FGF10: variants seen among roughly 807,000 people sequenced by gnomAD.
The protein encoded by FGF10 is FGF-10.
FGF10 carries 2 observed loss-of-function variants against 19.8 expected under a neutral mutation model. The ratio of observed to expected loss-of-function variants is 0.10; its 90% CI spans 0.04 to 0.32. FGF10 has a LOEUF of 0.32. FGF10 is among the 10% of genes least tolerant of loss of function. The probability of loss-of-function intolerance (pLI) is 1.00; values close to 1 mark genes in which losing one functional copy is unlikely to be tolerated. For missense variants in FGF10, 191 were observed against 246.3 expected, an observed-to-expected ratio of 0.78 and a Z score of 1.50; for synonymous variants, 112 against 94.0, an observed-to-expected ratio of 1.19 and a Z score of -1.10.
chr5:44,331,209 G>T (rs1236703768), intron 1 of FGF10, among the ~76,000 whole-genome samples: 1 of 151,916 alleles, frequency 6.6e-6, no homozygotes, highest in Non-Finnish European at 1.5e-5. Flanking sequence ...AGACTAGATA[G>T]TGCTTAAAAT....
At chr5:44,369,230 A>G (rs993344100) in intron 1 of FGF10, among the ~76,000 whole-genome samples, 4 of 152,088 alleles carry the variant, frequency 2.6e-5, no homozygotes, top group Admixed American at 2.6e-4. Flanking sequence ...AATAATCTCC[A>G]CAGCTGAAGG....
In FGF10 at chr5:44,367,985, T is replaced by C. The variant is rs955617110; in HGVS notation, c.325+20373A>G. Among the ~76,000 whole-genome samples, 16 of 151,820 alleles carry C rather than the reference T, an allele frequency of 1.1e-4. No homozygotes were observed. In the East Asian group the frequency reaches 1.4e-3, roughly 13 times the overall value. On this transcript the variant is annotated intron_variant, in intron 1 of 2. Transcript: ENST00000264664. ...CTCAAAACCTTGCCCAAGATCAACA[T>C]AGGGAAACAAGGATTTTTTTATAGT...
chr5:44,325,644 C>A (rs1561202005), intron 1 of FGF10, among the ~76,000 whole-genome samples: 1 of 150,580 alleles, frequency 6.6e-6, no homozygotes, highest in Non-Finnish European at 1.5e-5. Flanking sequence ...GACAAAAAAC[C>A]AAACACTGCA....
intron 1 of FGF10, among the ~76,000 whole-genome samples, chr5:44,363,985 C>T (rs878863409): frequency 6.6e-6 from 1 of 151,726 alleles, no homozygotes; most frequent in Non-Finnish European, 1.5e-5. Flanking sequence ...GTAGAATTCA[C>T]TATATATTTC....
At chr5:44,347,310 G>A (rs1249602903) in intron 1 of FGF10, among the ~76,000 whole-genome samples, 1 of 151,482 alleles carries the variant, frequency 6.6e-6, no homozygotes, top group African/African-American at 2.4e-5. Context: ...GTTACATATG[G>A]GATCAAGTCA....
At chr5:44,305,325 T>C in intron 2 of FGF10, 133 bp from the exon 3 acceptor site, 1 of 736,122 alleles carries the variant, frequency 1.4e-6, no homozygotes, top group Non-Finnish European at 2.4e-6. Flanking sequence ...GTGCACTTAA[T>C]ACATAATGTC....
chr5:44,310,379 G>T, intron 2 of FGF10, 48 bp downstream of exon 2: 1 of 1,314,536 alleles, frequency 7.6e-7, no homozygotes, highest in South Asian at 1.2e-5. Flanking sequence ...CCAAAACTAT[G>T]GTAATGGTTT....
chr5:44,369,778 C>T (rs1741704170), intron 1 of FGF10, among the ~76,000 whole-genome samples: 1 of 151,962 alleles, frequency 6.6e-6, no homozygotes, highest in Non-Finnish European at 1.5e-5. Flanking sequence ...TAAAAATTAC[C>T]CCCTTTTTAT....
chr5:44,359,597 G>T (rs1381858423), intron 1 of FGF10, among the ~76,000 whole-genome samples: 1 of 151,430 alleles, frequency 6.6e-6, no homozygotes. Flanking sequence ...TCAGTAAATT[G>T]GCTTAATGTC....
At chr5:44,330,473 T>G (rs1740706379) in intron 1 of FGF10, among the ~76,000 whole-genome samples, 1 of 152,200 alleles carries the variant, frequency 6.6e-6, no homozygotes, top group African/African-American at 2.4e-5. Context: ...CTTAAAACAT[T>G]AAGATATCAC....
chr5:44,331,092 A>G (rs1740725973), intron 1 of FGF10, among the ~76,000 whole-genome samples: 1 of 152,160 alleles, frequency 6.6e-6, no homozygotes, highest in South Asian at 2.1e-4. Flanking sequence ...GAGACAAATG[A>G]GAAGTGCTTT....
chr5:44,387,682 C>T (rs904184520), intron 1 of FGF10, among the ~76,000 whole-genome samples: 2 of 152,026 alleles, frequency 1.3e-5, no homozygotes, highest in African/African-American at 4.8e-5. Context: ...CAAATAGCAG[C>T]GGTGGTGCCT....
intron 2 of FGF10, among the ~76,000 whole-genome samples, chr5:44,308,263 G>T (rs900180112): frequency 6.6e-6 from 1 of 152,138 alleles, no homozygotes; most frequent in Non-Finnish European, 1.5e-5. Context: ...GTGAAGAAAA[G>T]TATTAAATAT....
In FGF10 at chr5:44,305,711, C is replaced by T. The variant is rs139885096; in HGVS notation, c.430-519G>A. ...AGCTTATAGCAAAACCACAATAGTTCTGCATAACCAAAAGGGGGGGATGTC... is the reference window on the plus strand; with the variant it reads ...AGCTTATAGCAAAACCACAATAGTTTTGCATAACCAAAAGGGGGGGATGTC... On this transcript the variant is annotated intron_variant, in intron 2 of 2. Coordinates refer to ENST00000264664, the MANE Select transcript of FGF10 (RefSeq NM_004465.2). Among the ~76,000 whole-genome samples, 4 of 152,174 alleles carry T rather than the reference C, an allele frequency of 2.6e-5. No homozygotes were observed. In the East Asian group the frequency reaches 7.7e-4, roughly 29 times the overall value.
Position 44,370,974 on chromosome 5 carries a change from C to T in FGF10, c.325+17384G>A, listed in dbSNP as rs146646995. Among the ~76,000 whole-genome samples the T allele has an allele frequency of 3.3e-3, 497 of 152,192 alleles. 2 individuals are homozygous for T. The highest frequency in any genetic ancestry group is 0.012 in the African/African-American group (478 of 41,544). Reference sequence around the variant, plus strand: ...AAGAGTAAATACACAGTAATGTCAACATAAATGTTGAAAAATCCTTCAGAA... The same window carrying T: ...AAGAGTAAATACACAGTAATGTCAATATAAATGTTGAAAAATCCTTCAGAA... On this transcript the variant is annotated intron_variant, in intron 1 of 2. Transcript: ENST00000264664.
chr5:44,349,502 A>ATG (rs1260126264), intron 1 of FGF10, among the ~76,000 whole-genome samples: 3 of 120,990 alleles, frequency 2.5e-5, no homozygotes, highest in South Asian at 5.3e-4. Flanking sequence ...ATATATATAT[A>ATG]TGTGTGTGTG....
At position 44,305,147 on chromosome 5, in the gene FGF10, T is replaced by G; in HGVS notation, c.475A>C (p.Asn159His). 6.2e-7 allele frequency: 1 copy of G among 1,613,996 alleles called. No homozygotes were observed. The highest frequency in any genetic ancestry group is 2.2e-5 in the East Asian group (1 of 44,850). Residue 159 changes from asparagine to histidine, a missense_variant, in exon 3 of 3, where the codon AAT becomes CAT. By Grantham distance (68) the Asn-to-His change is moderately conservative. Around this residue, in one of 2 missense-constraint regions of FGF10, gnomAD observed 99 missense variants for 161.7 expected, o/e 0.61. Transcript: ENST00000264664. ...AATGATGCATAGGTATTGTATCCAT[T>G]TTCCTCTATCCTCTCCTTCAGCTTA... ...DCKLKERIEE[N>H]GYNTYASFNW...
In FGF10 at chr5:44,388,539, C is replaced by T. The variant is rs886060655; in HGVS notation, c.144G>A (p.Glu48=). The change falls in exon 1 of 3, where the codon GAG becomes GAA. Residue 48 remains glutamate (E), a synonymous_variant. Coordinates refer to ENST00000264664, the MANE Select transcript of FGF10 (RefSeq NM_004465.2). ...QALGQDMVSP[E]ATNSSSSSFS... ...AGGAGGAGGAAGAAGAGTTGGTGGC[C>T]TCTGGTGACACCATGTCCTGACCAA... The T allele has an allele frequency of 1.8e-5, 29 of 1,614,014 alleles. No homozygotes were observed. Among genetic ancestry groups the T allele is most frequent in the Non-Finnish European group, 2.2e-5 (26 of 1,180,040 alleles).
chr5:44,334,572 T>A (rs950002796), intron 1 of FGF10, among the ~76,000 whole-genome samples: 1 of 152,062 alleles, frequency 6.6e-6, no homozygotes, highest in Non-Finnish European at 1.5e-5. Context: ...TCTTTAGAGG[T>A]CATATTAAAG....
Sources: allele counts gnomAD v4.1 joint callset (sites outside exome capture counted in the v4.1 genomes callset), GRCh38; gene constraint gnomAD v4.1.1; regional missense constraint gnomAD v4.1.1; transcripts MANE v1.5; gene names NCBI Gene and HGNC (gene_info 2026-07-23, HGNC 2026-07-21).